Variants in OOEP observed in about 807,000 individuals in gnomAD.
OOEP encodes the protein oocyte-expressed protein homolog.
A neutral mutation model predicts 13.7 loss-of-function variants in OOEP; 16 were observed. That is an observed-to-expected ratio of 1.16 (90% CI 0.79 to 1.77). The LOEUF (loss-of-function observed/expected upper bound fraction) is 1.77. Ranked by LOEUF, OOEP falls within the 40% of genes most tolerant of loss-of-function variation. The pLI, the probability that OOEP is intolerant of heterozygous loss-of-function variation, is 0.00. For synonymous variants in OOEP, 89 were observed against 77.1 expected, an observed-to-expected ratio of 1.15 and a Z score of -0.81; for missense variants, 195 against 193.1, an observed-to-expected ratio of 1.01 and a Z score of -0.06.
Position 73,369,704 on chromosome 6 carries a change from G to A in OOEP, c.89C>T (p.Pro30Leu), listed in dbSNP as rs757106659. Residue 30 changes from proline to leucine, a missense_variant, in exon 1 of 3, where the codon CCG becomes CTG. Pro to Leu is a moderately conservative substitution (Grantham distance 98, BLOSUM62 -3). Transcript: ENST00000370359. ...GGGCCGGATGCGAATCTGTGGCGGC[G>A]GAAGTGGTAACCTACGCAGCTGCTC... ...SLEQLRRLPL[P>L]PPQIRIRPWW... The A allele has an allele frequency of 3.1e-6, 5 of 1,613,898 alleles. No homozygotes were observed. The highest frequency in any genetic ancestry group is 1.3e-5 in the African/African-American group (1 of 74,942).
chr6:73,394,618 G>T (rs979551787), intron 1 of OOEP: 2 of 330,266 alleles, frequency 6.1e-6, no homozygotes, highest in Non-Finnish European at 5.7e-6. Context: ...ATACACAGTG[G>T]GGGGGTGGGG....
intron 2 of OOEP, among the ~76,000 whole-genome samples, chr6:73,381,163 A>G (rs962442273): frequency 1.3e-5 from 2 of 151,066 alleles, no homozygotes; most frequent in Non-Finnish European, 2.9e-5. Context: ...CCATTTCAAA[A>G]AGAAGAAAAA....
At chr6:73,374,317 G>A (rs1214343276), upstream of OOEP, among the ~76,000 whole-genome samples, 3 of 152,152 alleles carry the variant, frequency 2.0e-5, no homozygotes, top group African/African-American at 7.2e-5. Flanking sequence ...TGGAACCCCA[G>A]AGGCCCCAGT....
intron 2 of OOEP, among the ~76,000 whole-genome samples, chr6:73,384,094 T>A (rs1255129596): frequency 3.3e-5 from 5 of 152,016 alleles, no homozygotes; most frequent in Non-Finnish European, 7.4e-5. Context: ...AGACCCTGTC[T>A]CTAAATAAAT....
chr6:73,391,740 A>T, intron 2 of OOEP: 1 of 155,188 alleles, frequency 6.4e-6, no homozygotes, highest in Admixed American at 6.4e-5. Flanking sequence ...TGGCAGCCAG[A>T]GGCTGGGAAG....
rs1278887962 is a variant in OOEP at position 73,368,810 on chromosome 6, G to A, written c.424C>T (p.His142Tyr). ...TAAGCAACAGGATCCTGGGGAGAGTGGGGGTCTGATGCATGGGCCTTCAAG... is the reference window on the plus strand; with the variant it reads ...TAAGCAACAGGATCCTGGGGAGAGTAGGGGTCTGATGCATGGGCCTTCAAG... The part of the protein sequence containing the change: ...KNLKAHASDP[H>Y]SPQDPVA The change falls in exon 3 of 3, where the codon CAC becomes TAC. Residue 142 changes from histidine to tyrosine, a missense_variant. Coordinates refer to ENST00000370359, the MANE Select transcript of OOEP (RefSeq NM_001080507.3). 5.0e-6 allele frequency: 8 copies of A among 1,613,052 alleles called. No homozygotes were observed. Among genetic ancestry groups the A allele is most frequent in the Admixed American group, 1.7e-5 (1 of 60,016 alleles).
chr6:73,393,058 C>G (rs1769372089), intron 2 of OOEP, among the ~76,000 whole-genome samples: 1 of 151,894 alleles, frequency 6.6e-6, no homozygotes, highest in African/African-American at 2.4e-5. Context: ...ATGAGCCACA[C>G]CATGCCTGGC....
intron 2 of OOEP, among the ~76,000 whole-genome samples, chr6:73,378,957 C>CT (rs1769167280): frequency 6.6e-6 from 1 of 151,968 alleles, no homozygotes; most frequent in African/African-American, 2.4e-5. Context: ...GAAATTCAAA[C>CT]TTTGAGAAAC....
At chr6:73,381,440 A>G (rs1187958805) in intron 2 of OOEP, among the ~76,000 whole-genome samples, 2 of 152,188 alleles carry the variant, frequency 1.3e-5, no homozygotes, top group African/African-American at 2.4e-5. Flanking sequence ...GGCCAAGACC[A>G]TATGTTGGCA....
intron 2 of OOEP, among the ~76,000 whole-genome samples, chr6:73,387,378 G>A (rs2150783010): frequency 6.6e-6 from 1 of 152,012 alleles, no homozygotes; most frequent in South Asian, 2.1e-4. Flanking sequence ...GCCGGGTGTG[G>A]TGGCAGGTGC....
chr6:73,381,908 G>C (rs570813458), intron 2 of OOEP, among the ~76,000 whole-genome samples: 2 of 152,290 alleles, frequency 1.3e-5, no homozygotes, highest in East Asian at 3.9e-4. Context: ...TTGAACCCGG[G>C]AGGCAGAGGT....
intron 2 of OOEP, among the ~76,000 whole-genome samples, chr6:73,375,131 CTT>C (rs1452361734): frequency 2.0e-5 from 3 of 152,162 alleles, no homozygotes; most frequent in Non-Finnish European, 4.4e-5. Flanking sequence ...CCAGCCAACT[CTT>C]CTTTTAAAAA....
intron 2 of OOEP, among the ~76,000 whole-genome samples, chr6:73,390,168 G>GA (rs1420902778): frequency 6.6e-6 from 1 of 151,590 alleles, no homozygotes; most frequent in Non-Finnish European, 1.5e-5. Context: ...CACAGGGAAA[G>GA]AAAAAAAGAA....
At chr6:73,371,635 A>C (rs1769057438), upstream of OOEP, among the ~76,000 whole-genome samples, 1 of 152,132 alleles carries the variant, frequency 6.6e-6, no homozygotes, top group Admixed American at 6.6e-5. Context: ...CTATAATCCC[A>C]GCTACTCAGG....
chr6:73,369,091 G>A (rs1769001933), intron 2 of OOEP, 115 bp downstream of exon 2: 3 of 1,114,454 alleles, frequency 2.7e-6, no homozygotes, highest in Non-Finnish European at 3.8e-6. Context: ...CTAGCTCCCT[G>A]GGGTCTGGAA....
At chr6:73,393,045 G>A (rs1279687663) in intron 2 of OOEP, among the ~76,000 whole-genome samples, 4 of 151,844 alleles carry the variant, frequency 2.6e-5, no homozygotes, top group African/African-American at 7.3e-5. Flanking sequence ...TGGGATTACA[G>A]CCATGAGCCA....
At chr6:73,381,662 T>C (rs568464572) in intron 2 of OOEP, among the ~76,000 whole-genome samples, 21 of 151,974 alleles carry the variant, frequency 1.4e-4, no homozygotes, top group African/African-American at 4.6e-4. Flanking sequence ...GGGAAAGAGG[T>C]GGGCCGGCGT....
At chr6:73,381,205 T>TAAAAAAAAAAAAAAAAA (rs66507015) in intron 2 of OOEP, among the ~76,000 whole-genome samples, 1 of 100,998 alleles carries the variant, frequency 9.9e-6, no homozygotes, top group Non-Finnish European at 1.9e-5. Flanking sequence ...AAAAAAGTGT[T>TAAAAAAAAAAAAAAAAA]AAAAAAAAAA....
rs113599958 is a variant in OOEP at position 73,376,999 on chromosome 6, T to C, written c.26-7614A>G. 2.4e-3 allele frequency among the ~76,000 whole-genome samples: 371 copies of C among 152,300 alleles called. 3 individuals carry two copies. The highest frequency in any genetic ancestry group is 0.01 in the Middle Eastern group (3 of 294). ...TCTCTTCCCTAAAATTGTAAAAAAA[T>C]TTATTGTTGGTGAGATGCCCTATGG... is the stretch of plus-strand genomic sequence containing the variant. On this transcript the variant is annotated intron_variant, in intron 2 of 3. Coordinates refer to the OOEP transcript ENST00000370363.
Sources: gnomAD v4.1 joint callset for allele counts (sites outside exome capture counted in the v4.1 genomes callset) on GRCh38, gnomAD v4.1.1 for gene constraint, MANE v1.5 for transcripts, NCBI Gene and HGNC (gene_info 2026-07-23, HGNC 2026-07-21) for gene names.